The following B3GALT1 variants were observed in gnomAD, a reference collection of about 807,000 sequenced individuals.
The protein encoded by B3GALT1 is UDP-Gal:betaGlcNAc beta 1,3-galactosyltransferase, polypeptide 1.
In B3GALT1, 10 loss-of-function variants were observed where a neutral mutation model predicts 23.2. The ratio of observed to expected loss-of-function variants is 0.43; its 90% CI spans 0.27 to 0.73. The LOEUF (loss-of-function observed/expected upper bound fraction) is 0.73. Among genes scored for constraint, B3GALT1 ranks in the 30% least tolerant of loss-of-function variants. The probability of loss-of-function intolerance (pLI) is 0.21; values close to 1 mark genes in which losing one functional copy is unlikely to be tolerated. For synonymous variants in B3GALT1, 156 were observed against 141.5 expected, an observed-to-expected ratio of 1.10 and a Z score of -0.73; for missense variants, 299 against 405.4, an observed-to-expected ratio of 0.74 and a Z score of 2.25.
intron 3 of B3GALT1, among the ~76,000 whole-genome samples, chr2:167,682,169 C>T (rs1303602846): frequency 6.6e-6 from 1 of 152,054 alleles, no homozygotes; most frequent in Non-Finnish European, 1.5e-5. Context: ...TTGCATCCTC[C>T]CTGTCTATTC....
At chr2:167,462,552 C>T (rs770360707) in intron 1 of B3GALT1, among the ~76,000 whole-genome samples, 2 of 152,098 alleles carry the variant, frequency 1.3e-5, no homozygotes, top group Admixed American at 6.6e-5. Context: ...TAAAAATTGG[C>T]AGCTGTATCC....
intron 3 of B3GALT1, among the ~76,000 whole-genome samples, chr2:167,691,833 T>C (rs1686719316): frequency 6.6e-6 from 1 of 152,174 alleles, no homozygotes; most frequent in African/African-American, 2.4e-5. Flanking sequence ...AGGCAGCTTG[T>C]GAAGCACAGG....
At chr2:167,512,536 A>ATATATATG (rs1369901305) in intron 2 of B3GALT1, among the ~76,000 whole-genome samples, 14 of 98,588 alleles carry the variant, frequency 1.4e-4, no homozygotes, top group African/African-American at 6.4e-4. Context: ...GTGTGTGTGT[A>ATATATATG]TATATATATG....
chr2:167,410,170 A>G (rs186345323), intron 1 of B3GALT1, among the ~76,000 whole-genome samples: 1 of 152,124 alleles, frequency 6.6e-6, no homozygotes, highest in East Asian at 1.9e-4. Flanking sequence ...GCAAACTAAC[A>G]CAGGAACAGG....
intron 1 of B3GALT1, among the ~76,000 whole-genome samples, chr2:167,302,085 A>T (rs1232215891): frequency 6.6e-6 from 1 of 152,154 alleles, no homozygotes; most frequent in Non-Finnish European, 1.5e-5. Context: ...GGAATAATTA[A>T]ATTGTGGCAT....
intron 2 of B3GALT1, among the ~76,000 whole-genome samples, chr2:167,547,435 G>A (rs979123487): frequency 6.6e-6 from 1 of 152,118 alleles, no homozygotes; most frequent in African/African-American, 2.4e-5. Context: ...GGTGGCCCAC[G>A]CCTGTAATTC....
chr2:167,747,305 G>C (rs1003885833), intron 3 of B3GALT1, among the ~76,000 whole-genome samples: 6 of 152,124 alleles, frequency 3.9e-5, no homozygotes, highest in African/African-American at 1.4e-4. Flanking sequence ...TATTCCTTTG[G>C]ATTAGGGCAT....
chr2:167,612,723 T>G (rs1354544532), intron 2 of B3GALT1, among the ~76,000 whole-genome samples: 1 of 151,934 alleles, frequency 6.6e-6, no homozygotes, highest in Non-Finnish European at 1.5e-5. Context: ...AGAATATCCT[T>G]TTTGCTTTGA....
intron 2 of B3GALT1, among the ~76,000 whole-genome samples, chr2:167,519,330 A>G (rs981404609): frequency 6.6e-6 from 1 of 152,212 alleles, no homozygotes; most frequent in Non-Finnish European, 1.5e-5. Flanking sequence ...TCATTATTTA[A>G]TTGCTATAAA....
chr2:167,386,771 C>T (rs376258957), intron 1 of B3GALT1, among the ~76,000 whole-genome samples: 9 of 152,234 alleles, frequency 5.9e-5, no homozygotes, highest in East Asian at 5.8e-4. Flanking sequence ...AGTATCCTTC[C>T]GCTTCTGGAA....
chr2:167,749,610 T>G (rs1307252650), intron 3 of B3GALT1, among the ~76,000 whole-genome samples: 1 of 152,212 alleles, frequency 6.6e-6, no homozygotes, highest in Admixed American at 6.5e-5. Flanking sequence ...AATTATTGAC[T>G]ACAGTTTGAG....
At chr2:167,610,148 A>G (rs1161364444) in intron 2 of B3GALT1, among the ~76,000 whole-genome samples, 1 of 152,154 alleles carries the variant, frequency 6.6e-6, no homozygotes. Flanking sequence ...ATGATTTAGG[A>G]TGAAGGTTAG....
At chr2:167,674,404 C>A (rs1225878791) in intron 3 of B3GALT1, among the ~76,000 whole-genome samples, 7 of 151,986 alleles carry the variant, frequency 4.6e-5, no homozygotes, top group African/African-American at 1.7e-4. Flanking sequence ...ATAAATGTCC[C>A]AATTTGTTTC....
chr2:167,716,083 G>T, intron 3 of B3GALT1: 2 of 1,556,432 alleles, frequency 1.3e-6, no homozygotes, highest in Non-Finnish European at 1.8e-6. Context: ...AGCTGCTCTG[G>T]CGGTCACCGC....
At chr2:167,625,114 A>G (rs1029606641) in intron 2 of B3GALT1, among the ~76,000 whole-genome samples, 4 of 151,934 alleles carry the variant, frequency 2.6e-5, no homozygotes, top group East Asian at 1.9e-4. Flanking sequence ...GGAACTTCAG[A>G]AAAAAATTGG....
At chr2:167,327,468 C>G (rs1318324548) in intron 1 of B3GALT1, among the ~76,000 whole-genome samples, 1 of 151,860 alleles carries the variant, frequency 6.6e-6, no homozygotes, top group Non-Finnish European at 1.5e-5. Context: ...CTTTATTCCT[C>G]GGTGTTTTTA....
chr2:167,678,429 C>T (rs1308881528), intron 3 of B3GALT1, among the ~76,000 whole-genome samples: 1 of 152,184 alleles, frequency 6.6e-6, no homozygotes, highest in African/African-American at 2.4e-5. Context: ...GGGAGCATCA[C>T]AATCCGAGCT....
intron 1 of B3GALT1, among the ~76,000 whole-genome samples, chr2:167,351,268 CAAA>C (rs890751165): frequency 3.1e-5 from 2 of 64,232 alleles, no homozygotes; most frequent in African/African-American, 5.0e-5. Flanking sequence ...GACTCCGTCT[CAAA>C]AAAAAAAAAA....
chr2:167,856,555 T>G (rs1257119024), intron 4 of B3GALT1, among the ~76,000 whole-genome samples: 1 of 151,922 alleles, frequency 6.6e-6, no homozygotes, highest in Non-Finnish European at 1.5e-5. Flanking sequence ...ACCAGCAAAG[T>G]GAGCAGAAGG....
Sources: allele counts gnomAD v4.1 joint callset (sites outside exome capture counted in the v4.1 genomes callset), GRCh38; gene constraint gnomAD v4.1.1; transcripts MANE v1.5; gene names NCBI Gene and HGNC (gene_info 2026-07-23, HGNC 2026-07-21).